Variants in WNK3 observed in about 807,000 individuals in gnomAD.
WNK3 encodes WNK lysine deficient protein kinase 3.
Under a neutral mutation model 116.7 loss-of-function variants are expected in WNK3, and 18 were observed. The observed-to-expected ratio is 0.15, with a 90% CI of 0.11 to 0.23. The LOEUF is 0.23. Among genes scored for constraint, WNK3 ranks in the 10% least tolerant of loss-of-function variants. WNK3 has a pLI of 1.00. For missense variants in WNK3, 993 were observed against 1,323.8 expected, an observed-to-expected ratio of 0.75 and a Z score of 3.88; for synonymous variants, 404 against 469.4, an observed-to-expected ratio of 0.86 and a Z score of 1.80.
intron 22 of WNK3, among the ~76,000 whole-genome samples, chrX:54,226,486 AAAG>A (rs1286427901): frequency 1.3e-4 from 13 of 102,842 alleles, no homozygotes; most frequent in African/African-American, 2.5e-4. Context: ...AAAAAAAAAA[AAAG>A]AAGAAGAAAA....
At chrX:54,264,134 A>G (rs1569537080) in intron 10 of WNK3, among the ~76,000 whole-genome samples, 1 of 109,074 alleles carries the variant, frequency 9.2e-6, no homozygotes, top group East Asian at 3.0e-4. Flanking sequence ...GGAGTTGGAG[A>G]CCAGCCTGGC....
chrX:54,347,342 T>C (rs1195059453), intron 1 of WNK3, among the ~76,000 whole-genome samples: 3 of 111,181 alleles, frequency 2.7e-5, no homozygotes, highest in Non-Finnish European at 5.7e-5. Context: ...AAAAATTAGC[T>C]GGGCGTGGTG....
intron 20 of WNK3, among the ~76,000 whole-genome samples, chrX:54,236,305 TACAG>T (rs1160666593): frequency 9.4e-6 from 1 of 106,025 alleles, no homozygotes; most frequent in Admixed American, 1.0e-4. Flanking sequence ...TTTTTTTAAA[TACAG>T]ACAAAGTTTC....
chrX:54,329,393 C>T (rs1253893120), intron 2 of WNK3, among the ~76,000 whole-genome samples: 1 of 111,890 alleles, frequency 8.9e-6, no homozygotes, highest in East Asian at 2.8e-4. Flanking sequence ...ACTCCCAGCA[C>T]TTTGGGAGGC....
Position 54,301,158 on chromosome X carries a change from G to A in WNK3, c.1178+613C>T, listed in dbSNP as rs140357887. Among the ~76,000 whole-genome samples, 509 of 105,582 alleles carry A rather than the reference G, an allele frequency of 4.8e-3. 2 individuals carry two copies. Among genetic ancestry groups the A allele is most frequent in the African/African-American group, 0.017 (475 of 28,763 alleles). 91.7% of individuals were successfully genotyped at this position (105,582 alleles called of 115,157 possible). A position where few individuals can be genotyped will look rare whatever the true frequency, so the allele number is the denominator to read the frequency against. ...CTCAGGAGGCTGAGGCAGGAGAATC[G>A]CTGGAACCCGGGAGGCAGAGGTTGC... On this transcript the variant is annotated intron_variant, in intron 6 of 23. Transcript: ENST00000354646.
At chrX:54,311,466 C>T (rs1227046468) in intron 2 of WNK3, among the ~76,000 whole-genome samples, 175 bp from the exon 3 acceptor site, 1 of 112,179 alleles carries the variant, frequency 8.9e-6, no homozygotes, top group East Asian at 2.8e-4. Context: ...TTATTAGCTA[C>T]TGTGACTCCT....
At chrX:54,198,977 C>A in intron 23 of WNK3, among the ~76,000 whole-genome samples, 1 of 111,009 alleles carries the variant, frequency 9.0e-6, no homozygotes, top group Non-Finnish European at 1.9e-5. Context: ...AAAATTATTT[C>A]TGGGTGGTGG....
chrX:54,240,264 T>C (rs2068008568), intron 17 of WNK3, among the ~76,000 whole-genome samples: 1 of 108,946 alleles, frequency 9.2e-6, no homozygotes, highest in African/African-American at 3.3e-5. Flanking sequence ...GATCGCACCA[T>C]TGCACTCCAG....
rs185491419 is a variant in WNK3, at chrX:54,270,506, C to T, written c.2038-11168G>A. On this transcript the variant is annotated intron_variant, in intron 10 of 23. Coordinates refer to ENST00000354646, the Ensembl canonical transcript of WNK3. ...TGCAACTTCCACCACTGGGTTCAAGCGATTCTCCTGCCTCACCCTCCCAAG... is the reference window on the plus strand; with the variant it reads ...TGCAACTTCCACCACTGGGTTCAAGTGATTCTCCTGCCTCACCCTCCCAAG... 1.7e-3 allele frequency among the ~76,000 whole-genome samples: 176 copies of T among 106,507 alleles called. 1 individual carries two copies. Among genetic ancestry groups the T allele is most frequent in the African/African-American group, 5.7e-3 (165 of 29,169 alleles). The allele number at this position is 106,507 out of a possible 115,157, so 92.5% of individuals were successfully genotyped here.
At chrX:54,271,112 T>C (rs2068378794) in intron 10 of WNK3, among the ~76,000 whole-genome samples, 1 of 111,535 alleles carries the variant, frequency 9.0e-6, no homozygotes, top group Admixed American at 9.6e-5. Flanking sequence ...AAATAAAAGA[T>C]CCATACCAAG....
intron 2 of WNK3, among the ~76,000 whole-genome samples, chrX:54,317,484 A>G (rs1557171252): frequency 9.1e-6 from 1 of 110,289 alleles, no homozygotes; most frequent in African/African-American, 3.3e-5. Context: ...TGAAAACGTT[A>G]TGGTAAGTGA....
At chrX:54,193,559 T>G (rs1431508996) in exon 24 of WNK3, 1 of 111,217 alleles carries the variant, frequency 9.0e-6, no homozygotes, top group Non-Finnish European at 1.9e-5. Flanking sequence ...GCTATTGGTT[T>G]GTACACTCGT....
At chrX:54,285,624 T>C (rs1603390308) in intron 10 of WNK3, among the ~76,000 whole-genome samples, 1 of 111,945 alleles carries the variant, frequency 8.9e-6, no homozygotes, top group East Asian at 2.8e-4. Context: ...TTTATGGTTG[T>C]TTTCATGCAT....
At chrX:54,212,153 G>A (rs2067623305) in intron 22 of WNK3, among the ~76,000 whole-genome samples, 2 of 112,140 alleles carry the variant, frequency 1.8e-5, no homozygotes, top group South Asian at 7.4e-4. Context: ...GTGAAACCGG[G>A]AGGCAGAGCT....
At chrX:54,304,861 GCA>G (rs1320117720) in intron 5 of WNK3, among the ~76,000 whole-genome samples, 1 of 111,405 alleles carries the variant, frequency 9.0e-6, no homozygotes, top group Non-Finnish European at 1.9e-5. Flanking sequence ...GGTAAGCTGG[GCA>G]CAGTGGCCCA....
chrX:54,219,144 CTAAAG>C (rs782001420), intron 22 of WNK3, among the ~76,000 whole-genome samples: 1 of 110,867 alleles, frequency 9.0e-6, no homozygotes, highest in African/African-American at 3.3e-5. Context: ...TGAACTATAA[CTAAAG>C]TAAATTTAAT....
At chrX:54,243,352 C>T (rs1445828446) in intron 17 of WNK3, among the ~76,000 whole-genome samples, 7 of 94,177 alleles carry the variant, frequency 7.4e-5, no homozygotes, top group Non-Finnish European at 1.4e-4. Flanking sequence ...ACCCGGGAGG[C>T]GGAGCTTGCA....
chrX:54,264,678 T>C (rs2068291231), intron 10 of WNK3, among the ~76,000 whole-genome samples: 1 of 110,852 alleles, frequency 9.0e-6, no homozygotes, highest in Non-Finnish European at 1.9e-5. Flanking sequence ...GTAAGGCAGA[T>C]AGAACTGAAT....
chrX:54,275,415 ATGTG>A (rs782672834), intron 10 of WNK3, among the ~76,000 whole-genome samples: 3,680 of 64,286 alleles, frequency 0.057, 85 homozygotes, highest in Non-Finnish European at 0.066. Context: ...ATAAGTTCAT[ATGTG>A]TGTGTGTGTG....
Sources: allele counts gnomAD v4.1 joint callset (sites outside exome capture counted in the v4.1 genomes callset), GRCh38; gene constraint gnomAD v4.1.1; transcripts MANE v1.5; gene names NCBI Gene and HGNC (gene_info 2026-07-23, HGNC 2026-07-21).